KCNJ5: variants seen among roughly 807,000 people sequenced by gnomAD.
The protein encoded by KCNJ5 is potassium inwardly rectifying channel subfamily J member 5.
KCNJ5 carries 12 observed loss-of-function variants against 20.2 expected under a neutral mutation model. The ratio of observed to expected loss-of-function variants is 0.59; its 90% confidence interval spans 0.38 to 0.96. The LOEUF (loss-of-function observed/expected upper bound fraction) is 0.96. Among genes scored for constraint, KCNJ5 ranks in the 40% least tolerant of loss-of-function variants. KCNJ5 has a pLI of 0.00. For synonymous variants in KCNJ5, 210 were observed against 213.9 expected (o/e 0.98, Z 0.16); for missense variants, 449 against 557.6 (o/e 0.81, Z 1.96).
In KCNJ5 at chr11:128,906,378, T is replaced by C. The variant is rs561637976; in HGVS notation, c.-10-4886T>C. ...CTGCCATAACAGATGACCACAGACATAGTGGCTGGAAACAGCACCCACTTA... is the reference window on the plus strand; with the variant it reads ...CTGCCATAACAGATGACCACAGACACAGTGGCTGGAAACAGCACCCACTTA... On this transcript the variant is annotated intron_variant, in intron 1 of 2. Coordinates refer to ENST00000529694, the MANE Select transcript of KCNJ5 (RefSeq NM_000890.5). Among the ~76,000 whole-genome samples, 306 of 152,288 alleles carry C rather than the reference T, an allele frequency of 2.0e-3. 1 individual carries two copies. Among genetic ancestry groups the C allele is most frequent in the African/African-American group, 7.0e-3 (293 of 41,562 alleles).
intron 1 of KCNJ5, among the ~76,000 whole-genome samples, chr11:128,909,197 C>T (rs890510536): frequency 4.6e-5 from 7 of 152,228 alleles, no homozygotes; most frequent in African/African-American, 1.4e-4. Context: ...CCCAGGACAG[C>T]TGGGATCTAC....
chr11:128,916,386 G>T (rs763218425), intron 2 of KCNJ5, 23 bp from the exon 3 acceptor site: 6 of 1,560,580 alleles, frequency 3.8e-6, no homozygotes, highest in East Asian at 2.2e-5. Flanking sequence ...GCATCATAAT[G>T]CATGTAACTT....
chr11:128,904,577 T>C, intron 1 of KCNJ5: 1 of 986,822 alleles, frequency 1.0e-6, no homozygotes, highest in Non-Finnish European at 1.6e-6. Flanking sequence ...CACTGCGGCT[T>C]CTTAGCAAAA....
At chr11:128,899,136 C>T (rs1197337419) in intron 1 of KCNJ5, among the ~76,000 whole-genome samples, 14 of 152,186 alleles carry the variant, frequency 9.2e-5, no homozygotes, top group Admixed American at 7.2e-4. Flanking sequence ...TCAAGGGCCA[C>T]TCAGCCTGGG....
chr11:128,910,258 G>T (rs1457575761), intron 1 of KCNJ5, among the ~76,000 whole-genome samples: 1 of 152,112 alleles, frequency 6.6e-6, no homozygotes, highest in African/African-American at 2.4e-5. Flanking sequence ...AGGTGTGTGG[G>T]TATCTCTTGG....
chr11:128,892,624 G>C (rs1338403789), intron 1 of KCNJ5, among the ~76,000 whole-genome samples: 5 of 152,190 alleles, frequency 3.3e-5, no homozygotes, highest in Non-Finnish European at 7.3e-5. Flanking sequence ...TCATTCTACA[G>C]GTGAAAAATT....
At chr11:128,903,332 G>A (rs1201207308) in intron 1 of KCNJ5, 1 of 1,612,526 alleles carries the variant, frequency 6.2e-7, no homozygotes, top group Non-Finnish European at 8.5e-7. Flanking sequence ...GAGTGTGTCT[G>A]TGTTGGAAGA....
At chr11:128,902,598 G>C in intron 1 of KCNJ5, 2 of 1,613,060 alleles carry the variant, frequency 1.2e-6, no homozygotes, top group Non-Finnish European at 1.7e-6. Context: ...GCACTGAGGG[G>C]GTAGCCCAGG....
Position 128,911,150 on chromosome 11 carries a change from C to A in KCNJ5, c.-10-114C>A, listed in dbSNP as rs1385863378. 3.6e-6 allele frequency: 3 copies of A among 822,226 alleles called. No homozygotes were observed. Among genetic ancestry groups the A allele is most frequent in the Non-Finnish European group, 2.1e-6 (1 of 487,310 alleles). The allele number at this position is 822,226 out of a possible 1,614,324, so 50.9% of individuals were successfully genotyped here. A position where few individuals can be genotyped will look rare whatever the true frequency, so the allele number is the denominator to read the frequency against. ...CCCTTGAGGATTTCACGCCCTGACCCCTGGATAACAGAAGAGAAGCCTGGG... is the reference window on the plus strand; with the variant it reads ...CCCTTGAGGATTTCACGCCCTGACCACTGGATAACAGAAGAGAAGCCTGGG... On this transcript the variant is annotated intron_variant, in intron 1 of 2. Coordinates refer to ENST00000529694, the MANE Select transcript of KCNJ5 (RefSeq NM_000890.5). This position sits in a 1 kb window ranked among gnomAD's most constrained non-coding sequence, Gnocchi z 6.3.
chr11:128,910,701 G>C (rs566663812), intron 1 of KCNJ5, among the ~76,000 whole-genome samples: 1 of 152,080 alleles, frequency 6.6e-6, no homozygotes, highest in Non-Finnish European at 1.5e-5. Flanking sequence ...TCCATGTGCC[G>C]GGCTGTGTTC....
intron 1 of KCNJ5, among the ~76,000 whole-genome samples, chr11:128,894,121 C>A (rs1485754764): frequency 6.6e-6 from 1 of 151,990 alleles, no homozygotes; most frequent in African/African-American, 2.4e-5. Context: ...CTGCGGTGGG[C>A]GAAGCCACAA....
chr11:128,899,517 G>A (rs995836095), intron 1 of KCNJ5: 8 of 152,126 alleles, frequency 5.3e-5, no homozygotes, highest in African/African-American at 1.9e-4. Context: ...CTGATAAATT[G>A]GCACCAGCCC....
chr11:128,894,552 T>C (rs1944142665), intron 1 of KCNJ5, among the ~76,000 whole-genome samples: 2 of 152,264 alleles, frequency 1.3e-5, no homozygotes, highest in Non-Finnish European at 2.9e-5. Context: ...GGAATCTTTC[T>C]GTGTTTTGTT....
chr11:128,904,560 T>A (rs748730178), intron 1 of KCNJ5: 2 of 1,088,744 alleles, frequency 1.8e-6, no homozygotes, highest in Non-Finnish European at 2.9e-6. Context: ...ACCAGCCGCG[T>A]CAACATCACT....
At chr11:128,904,678 T>TGAAGTG in intron 1 of KCNJ5, 1 of 636,012 alleles carries the variant, frequency 1.6e-6, no homozygotes, top group African/African-American at 1.8e-5. Flanking sequence ...CGAATGCCAG[T>TGAAGTG]GAAGTGTGAG....
At chr11:128,892,310 G>A (rs1944106889) in intron 1 of KCNJ5, among the ~76,000 whole-genome samples, 1 of 152,208 alleles carries the variant, frequency 6.6e-6, no homozygotes, top group Admixed American at 6.5e-5. Context: ...AGAGGATAGG[G>A]AACAGAGAAG....
At chr11:128,900,087 G>A (rs929183600) in intron 1 of KCNJ5, 5 of 152,092 alleles carry the variant, frequency 3.3e-5, no homozygotes, top group Admixed American at 1.3e-4. Flanking sequence ...ACCTTGAATC[G>A]GGCCTAATAT....
chr11:128,911,792 C>G lies in KCNJ5; in HGVS notation c.519C>G (p.Ile173Met), dbSNP rs146970049. The G allele has an allele frequency of 1.9e-6, 3 of 1,614,130 alleles. No homozygotes were observed. The highest frequency in any genetic ancestry group is 3.3e-5 in the Admixed American group (2 of 60,016). ...EGIILLLVQA[I>M]LGSIVNAFMV... ...TTATACTCCTCTTGGTCCAGGCCAT[C>G]CTGGGCTCCATCGTCAATGCCTTCA... Residue 173 changes from isoleucine (I) to methionine (M), a missense_variant, in exon 2 of 3, where the codon ATC (isoleucine) becomes ATG (methionine). Around this residue, in one of 5 missense-constraint regions of KCNJ5, gnomAD observed 203 missense variants for 258.0 expected, o/e 0.79. Coordinates refer to ENST00000529694, the MANE Select transcript of KCNJ5 (RefSeq NM_000890.5). This position sits in a 1 kb window ranked among gnomAD's most constrained non-coding sequence, Gnocchi z 6.3.
At chr11:128,916,113 G>T (rs1944576216) in intron 2 of KCNJ5, among the ~76,000 whole-genome samples, 1 of 123,770 alleles carries the variant, frequency 8.1e-6, no homozygotes. Flanking sequence ...TGGATGGATG[G>T]ATGGATGGAT....
Sources: gnomAD v4.1 joint callset for allele counts (sites outside exome capture counted in the v4.1 genomes callset) on GRCh38, gnomAD v4.1.1 for gene constraint, gnomAD v4.1.1 regional missense constraint, Gnocchi (gnomAD v3.1) non-coding constraint, MANE v1.5 for transcripts, NCBI Gene and HGNC (gene_info 2026-07-23, HGNC 2026-07-21) for gene names.